Variants in TBC1D22A observed in about 807,000 individuals in gnomAD.
TBC1D22A encodes the protein putative GTPase activator.
TBC1D22A carries 38 observed loss-of-function variants against 60.2 expected under a neutral mutation model. That is an observed-to-expected ratio of 0.63 (90% confidence interval 0.49 to 0.83). The LOEUF is 0.83. Ranked by LOEUF, TBC1D22A falls within the 40% of genes least tolerant of loss-of-function variation. The pLI, the probability that TBC1D22A is intolerant of heterozygous loss-of-function variation, is 0.00. For missense variants in TBC1D22A, 628 were observed against 701.0 expected, an observed-to-expected ratio of 0.90 and a Z score of 1.18; for synonymous variants, 302 against 281.7, an observed-to-expected ratio of 1.07 and a Z score of -0.72.
chr22:47,138,912 T>C (rs1357159125), intron 12 of TBC1D22A, among the ~76,000 whole-genome samples: 1 of 152,162 alleles, frequency 6.6e-6, no homozygotes, highest in Non-Finnish European at 1.5e-5. Context: ...TCATGGCCAA[T>C]CACTTCCCAA....
At chr22:46,810,540 G>C (rs1459645200) in intron 4 of TBC1D22A, among the ~76,000 whole-genome samples, 1 of 152,010 alleles carries the variant, frequency 6.6e-6, no homozygotes, top group Non-Finnish European at 1.5e-5. Flanking sequence ...GGTCAAAATG[G>C]CATAAAATCA....
chr22:46,892,209 A>G (rs189078480), intron 6 of TBC1D22A, among the ~76,000 whole-genome samples: 1 of 151,728 alleles, frequency 6.6e-6, no homozygotes, highest in East Asian at 1.9e-4. Context: ...CCCTCTGCAA[A>G]CCCTGCTTCT....
chr22:46,823,280 G>T (rs1307614031), intron 4 of TBC1D22A, among the ~76,000 whole-genome samples: 4 of 152,220 alleles, frequency 2.6e-5, no homozygotes, highest in African/African-American at 9.7e-5. Flanking sequence ...ATTCAAAGGT[G>T]TGATATAGAA....
At chr22:46,872,126 T>C (rs76985785) in intron 4 of TBC1D22A, among the ~76,000 whole-genome samples, 13,000 of 152,268 alleles carry the variant, frequency 0.085, 755 homozygotes, top group Non-Finnish European at 0.13. Context: ...AATATCCTTA[T>C]ATTGATTAAA....
chr22:46,791,609 A>G (rs1015023215), intron 1 of TBC1D22A, among the ~76,000 whole-genome samples: 4 of 151,554 alleles, frequency 2.6e-5, no homozygotes, highest in African/African-American at 9.7e-5. Flanking sequence ...TGTGTGTCAC[A>G]GGGCCAGCCG....
chr22:47,164,031 C>T (rs925750530), intron 12 of TBC1D22A, among the ~76,000 whole-genome samples: 5 of 152,236 alleles, frequency 3.3e-5, no homozygotes, highest in Admixed American at 6.5e-5. Flanking sequence ...GCCATCACCG[C>T]GCCAGGTAAC....
intron 12 of TBC1D22A, among the ~76,000 whole-genome samples, chr22:47,156,186 C>T (rs763515141): frequency 1.8e-4 from 28 of 152,186 alleles, no homozygotes; most frequent in African/African-American, 2.2e-4. Flanking sequence ...ACAGGCTCTG[C>T]GGAAGGTGAC....
At chr22:47,172,095 G>GTGAGCCTACCCAGCACTCCCAT (rs1569482709) in intron 12 of TBC1D22A, among the ~76,000 whole-genome samples, 5 of 146,872 alleles carry the variant, frequency 3.4e-5, no homozygotes, top group African/African-American at 1.3e-4. Flanking sequence ...AGCACTCCCA[G>GTGAGCCTACCCAGCACTCCCAT]TGAGCTGTGT....
At chr22:46,861,732 T>C (rs186896519) in intron 4 of TBC1D22A, among the ~76,000 whole-genome samples, 5 of 152,346 alleles carry the variant, frequency 3.3e-5, no homozygotes, top group African/African-American at 1.2e-4. Flanking sequence ...CAGAATTGTG[T>C]ATCCCGGCCG....
intron 12 of TBC1D22A, among the ~76,000 whole-genome samples, chr22:47,127,440 G>A (rs2066504275): frequency 6.7e-6 from 1 of 148,746 alleles, no homozygotes. Context: ...GGCCAGGCTG[G>A]TCTCGAACCC....
intron 8 of TBC1D22A, among the ~76,000 whole-genome samples, chr22:46,930,695 C>T (rs1394724134): frequency 6.6e-6 from 1 of 151,538 alleles, no homozygotes; most frequent in African/African-American, 2.4e-5. Flanking sequence ...GATCTCCTGA[C>T]CTCGTGATCC....
chr22:47,083,199 T>A (rs1416693163), intron 11 of TBC1D22A, among the ~76,000 whole-genome samples: 1 of 151,226 alleles, frequency 6.6e-6, no homozygotes, highest in Non-Finnish European at 1.5e-5. Context: ...GAAGGACATT[T>A]ATATATCTTG....
At chr22:47,041,806 A>C (rs957551222) in intron 11 of TBC1D22A, among the ~76,000 whole-genome samples, 1 of 152,172 alleles carries the variant, frequency 6.6e-6, no homozygotes, top group Non-Finnish European at 1.5e-5. Flanking sequence ...GGCCATATGG[A>C]CTTTTTCACA....
At chr22:46,941,577 T>C (rs537901843) in intron 8 of TBC1D22A, among the ~76,000 whole-genome samples, 15 of 146,186 alleles carry the variant, frequency 1.0e-4, no homozygotes, top group African/African-American at 3.5e-4. Flanking sequence ...GGAATATATA[T>C]ACAGGGAATA....
intron 4 of TBC1D22A, among the ~76,000 whole-genome samples, chr22:46,862,353 G>A (rs1385821678): frequency 6.6e-6 from 1 of 152,144 alleles, no homozygotes; most frequent in Non-Finnish European, 1.5e-5. Context: ...GGGCAGGAGA[G>A]GCTTGAATGG....
intron 4 of TBC1D22A, among the ~76,000 whole-genome samples, chr22:46,855,989 G>A (rs773052502): frequency 1.7e-4 from 26 of 152,280 alleles, no homozygotes; most frequent in African/African-American, 2.4e-4. Context: ...ACATCTAGGC[G>A]TGTGCTCGCT....
chr22:47,090,533 C>G (rs2064879692), intron 11 of TBC1D22A, among the ~76,000 whole-genome samples: 1 of 152,224 alleles, frequency 6.6e-6, no homozygotes, highest in Non-Finnish European at 1.5e-5. Context: ...CCTGTGTCCC[C>G]TCCAGGTGGA....
rs57252183 is a variant in TBC1D22A at position 46,919,731 on chromosome 22, CT to C, written c.1015+7557del. ...TCAACACTTGTCATCATCTTTCACTCTTTTTTTTTTTTTTGTAGACTTTACT... is the reference window on the plus strand; with the variant it reads ...TCAACACTTGTCATCATCTTTCACTCTTTTTTTTTTTTTGTAGACTTTACT... On this transcript the variant is annotated intron_variant, in intron 8 of 12. Coordinates refer to ENST00000337137, the MANE Select transcript of TBC1D22A (RefSeq NM_014346.5). Among the ~76,000 whole-genome samples, 326 of 136,810 alleles carry C rather than the reference CT, an allele frequency of 2.4e-3. 2 individuals are homozygous for C. Among genetic ancestry groups the C allele is most frequent in the Non-Finnish European group, 4.0e-3 (262 of 64,952 alleles). The allele number at this position is 136,810 out of a possible 152,430, so 89.8% of individuals were successfully genotyped here.
intron 11 of TBC1D22A, among the ~76,000 whole-genome samples, chr22:47,054,478 T>C (rs2063323181): frequency 6.6e-6 from 1 of 152,206 alleles, no homozygotes; most frequent in African/African-American, 2.4e-5. Flanking sequence ...CCTGCATGAC[T>C]TACTCTCCAC....
Sources: allele counts gnomAD v4.1 joint callset (sites outside exome capture counted in the v4.1 genomes callset), GRCh38; gene constraint gnomAD v4.1.1; transcripts MANE v1.5; gene names NCBI Gene and HGNC (gene_info 2026-07-23, HGNC 2026-07-21).